Variants in DNM1 observed in about 807,000 individuals in gnomAD.
DNM1 encodes the protein dynamin 1, also known as dynamin-1.
Under a neutral mutation model 104.6 loss-of-function variants are expected in DNM1, and 29 were observed. That is an observed-to-expected ratio of 0.28 (90% confidence interval 0.21 to 0.38). The LOEUF (loss-of-function observed/expected upper bound fraction) is 0.38, where lower values mean the gene tolerates loss of function less well. DNM1 is among the 10% of genes least tolerant of loss of function. The probability of loss-of-function intolerance (pLI) is 1.00; values close to 1 mark genes in which losing one functional copy is unlikely to be tolerated. For synonymous variants in DNM1, 445 were observed against 475.8 expected (o/e 0.94, Z 0.84); for missense variants, 640 against 1,189.4 (o/e 0.54, Z 6.79).
Position 128,220,492 on chromosome 9 carries a change from C to T in DNM1, c.849+151C>T. On this transcript the variant is annotated intron_variant, in intron 6 of 21. Transcript: ENST00000372923. The surrounding 1 kb of genome is among the most constrained non-coding windows in gnomAD (Gnocchi z 5.2). The stretch of plus-strand genomic sequence containing the variant: ...GAAAAGCAAAGCAACTTGCCCACAG[C>T]CCCACAGCTAGGTAGCAGCAAAGCT... 1.0e-6 allele frequency: 1 copy of T among 998,040 alleles called. No individual in the cohort carries two copies. The highest frequency in any genetic ancestry group is 1.6e-5 in the African/African-American group (1 of 61,872). The allele number at this position is 998,040 out of a possible 1,614,324, so 61.8% of individuals were successfully genotyped here.
At chr9:128,242,186 G>A (rs1198860940) in intron 14 of DNM1, 46 bp from the exon 15 acceptor site, 2 of 1,097,666 alleles carry the variant, frequency 1.8e-6, no homozygotes, top group East Asian at 2.4e-5. Flanking sequence ...CCCCCATGGG[G>A]AGGCTCAGGC....
intron 1 of DNM1, among the ~76,000 whole-genome samples, chr9:128,216,028 C>A (rs1834582348): frequency 6.6e-6 from 1 of 151,972 alleles, no homozygotes; most frequent in Non-Finnish European, 1.5e-5. Context: ...CCTCCCACCC[C>A]CCAGCAAACC....
Position 128,218,912 on chromosome 9 carries a change from C to T in DNM1, c.386-137C>T, listed in dbSNP as rs1834775987. The T allele has an allele frequency of 7.7e-7, 1 of 1,292,180 alleles. No individual in the cohort carries two copies. Among genetic ancestry groups the T allele is most frequent in the Non-Finnish European group, 1.1e-6 (1 of 943,684 alleles). The allele number at this position is 1,292,180 out of a possible 1,614,324, so 80.0% of individuals were successfully genotyped here. A position where few individuals can be genotyped will look rare whatever the true frequency, so the allele number is the denominator to read the frequency against. ...CGGCCACGCCTCCAACAGACTGCCA[C>T]TTTCGCCCTGAGATTTCCTAGTCCC... is the stretch of plus-strand genomic sequence containing the variant. On this transcript the variant is annotated intron_variant, in intron 3 of 21. Transcript: ENST00000372923. This position sits in a 1 kb window ranked among gnomAD's most constrained non-coding sequence, Gnocchi z 4.8.
In DNM1 at chr9:128,219,225, A is replaced by G. The variant is rs141079649; in HGVS notation, c.562A>G (p.Lys188Glu). Reference protein sequence around the residue: ...NSDLANSDALKVAKEVDPQGQ... With the variant: ...NSDLANSDALEVAKEVDPQGQ... ...TGACCTGGCCAATTCTGACGCCCTC[A>G]AGGTCGCCAAGGAGGTGGACCCCCA... The change falls in exon 4 of 22, where the codon AAG becomes GAG. Residue 188 changes from lysine to glutamate, a missense_variant. Physicochemically the swap from Lys to Glu is moderately conservative, Grantham distance 56 (BLOSUM62 1). Coordinates refer to ENST00000372923, the MANE Select transcript of DNM1 (RefSeq NM_004408.4). The G allele has an allele frequency of 1.9e-6, 3 of 1,613,954 alleles. No homozygotes were observed. The highest frequency in any genetic ancestry group is 1.7e-6 in the Non-Finnish European group (2 of 1,180,018).
At chr9:128,242,159 C>G in intron 14 of DNM1, 73 bp from the exon 15 acceptor site, 1 of 878,940 alleles carries the variant, frequency 1.1e-6, no homozygotes, top group Non-Finnish European at 1.9e-6. Context: ...TCGAATGCCT[C>G]TCTTTGCCTA....
Position 128,247,824 on chromosome 9 carries a change from C to G in DNM1, c.1894-100C>G. On this transcript the variant is annotated intron_variant, in intron 17 of 21. Coordinates refer to ENST00000372923, the MANE Select transcript of DNM1 (RefSeq NM_004408.4). This position sits in a 1 kb window ranked among gnomAD's most constrained non-coding sequence, Gnocchi z 5.1. ...AGCCTGAGAGTTGGGGTGCAGTATC[C>G]CAGGTTCACTCAATCTCTCCCCTTT... 6.7e-7 allele frequency: 1 copy of G among 1,498,458 alleles called. No homozygotes were observed. The highest frequency in any genetic ancestry group is 1.2e-5 in the South Asian group (1 of 81,064). The allele number at this position is 1,498,458 out of a possible 1,614,324, so 92.8% of individuals were successfully genotyped here. A position where few individuals can be genotyped will look rare whatever the true frequency, so the allele number is the denominator to read the frequency against.
In DNM1 at chr9:128,224,253, C is replaced by A; in HGVS notation, c.1199C>A (p.Thr400Lys). The change falls in exon 10 of 22, where the codon ACG becomes AAG. Residue 400 changes from threonine (T) to lysine (K), a missense_variant and splice_region_variant. By Grantham distance (78) the Thr-to-Lys change is moderately conservative. This residue lies in a region of DNM1 where 38 missense variants were observed against 113.5 expected (regional missense o/e 0.33). Coordinates refer to ENST00000372923, the MANE Select transcript of DNM1 (RefSeq NM_004408.4). The surrounding 1 kb of genome is among the most constrained non-coding windows in gnomAD (Gnocchi z 4.3). ...YAIKNIHGIR[T>K]GLFTPDMAFE... ...CTTCTCCCGCTCCGGGCGTTCAGAA[C>A]GGGGCTGTTTACCCCAGACATGGCC... 1 of 1,613,484 alleles carries A rather than the reference C, an allele frequency of 6.2e-7. No individual in the cohort carries two copies.
Position 128,227,944 on chromosome 9 carries a change from G to A in DNM1, c.1335+3555G>A, listed in dbSNP as rs527688071. 2.6e-5 allele frequency among the ~76,000 whole-genome samples: 4 copies of A among 152,126 alleles called. No individual in the cohort carries two copies. The East Asian group carries it at 7.7e-4, about 29-fold the overall frequency. ...ATAGCTCACTGTAGGCTCAAACTGGGCTCAAGCGATCCTCCCGCCTCAGCC... is the reference window on the plus strand; with the variant it reads ...ATAGCTCACTGTAGGCTCAAACTGGACTCAAGCGATCCTCCCGCCTCAGCC... On this transcript the variant is annotated intron_variant, in intron 10 of 21. Transcript: ENST00000372923.
At chr9:128,206,882 T>G (rs1834001857) in intron 1 of DNM1, among the ~76,000 whole-genome samples, 1 of 150,726 alleles carries the variant, frequency 6.6e-6, no homozygotes, top group African/African-American at 2.5e-5. Flanking sequence ...CTAGCAAGGG[T>G]GTGACTTGGG....
intron 10 of DNM1, among the ~76,000 whole-genome samples, chr9:128,225,189 C>T (rs972000109): frequency 2.0e-5 from 3 of 152,180 alleles, no homozygotes; most frequent in Admixed American, 6.5e-5. Flanking sequence ...CAGTGCTCCT[C>T]GATTCCACCC....
At chr9:128,208,966 A>G (rs1445762761) in intron 1 of DNM1, among the ~76,000 whole-genome samples, 1 of 152,116 alleles carries the variant, frequency 6.6e-6, no homozygotes, top group Admixed American at 6.6e-5. Flanking sequence ...GGGTTTGAGA[A>G]CCCGGATGAA....
At chr9:128,212,368 C>T (rs1345585990) in intron 1 of DNM1, among the ~76,000 whole-genome samples, 3 of 152,066 alleles carry the variant, frequency 2.0e-5, no homozygotes, top group African/African-American at 7.2e-5. Context: ...CCAGCTACTT[C>T]GGAGATTGAG....
intron 15 of DNM1, among the ~76,000 whole-genome samples, 200 bp downstream of exon 15, chr9:128,242,545 C>T (rs1054626313): frequency 5.3e-5 from 8 of 152,006 alleles, no homozygotes; most frequent in East Asian, 1.9e-4. Context: ...GGATCACCTG[C>T]GGTCAGGAGT....
intron 19 of DNM1, 32 bp from the exon 20 acceptor site, chr9:128,250,082 TC>T: frequency 1.2e-6 from 2 of 1,613,364 alleles, no homozygotes; most frequent in Non-Finnish European, 1.7e-6. Flanking sequence ...AGGCATCAGG[TC>T]CCCACCTCCT....
In DNM1 at chr9:128,248,536, T is replaced by A; in HGVS notation, c.1906-47T>A. On this transcript the variant is annotated intron_variant, in intron 18 of 21. Coordinates refer to ENST00000372923, the MANE Select transcript of DNM1 (RefSeq NM_004408.4). This position sits in a 1 kb window ranked among gnomAD's most constrained non-coding sequence, Gnocchi z 5.6. ...TGAGATCCTGGGGATGCCTGGAGCC[T>A]GGCTGCATGGCCTGGCCACCTGATG... The A allele has an allele frequency of 6.3e-7, 1 of 1,595,038 alleles. No individual in the cohort carries two copies. Among genetic ancestry groups the A allele is most frequent in the Non-Finnish European group, 8.6e-7 (1 of 1,166,246 alleles).
In DNM1 at chr9:128,222,071, C is replaced by T; in HGVS notation, c.850-126C>T. 1 of 1,159,658 alleles carries T rather than the reference C, an allele frequency of 8.6e-7. No homozygotes were observed. The highest frequency in any genetic ancestry group is 1.5e-5 in the African/African-American group (1 of 64,592). 71.8% of individuals were successfully genotyped at this position (1,159,658 alleles called of 1,614,324 possible). ...CCAGTTTTCTTGCTAGTGGCCCGGG[C>T]AGCAGTGGCAGGGCTGCCCTCCATA... On this transcript the variant is annotated intron_variant, in intron 6 of 21. Coordinates refer to ENST00000372923, the MANE Select transcript of DNM1 (RefSeq NM_004408.4). The surrounding 1 kb of genome is among the most constrained non-coding windows in gnomAD (Gnocchi z 7.8).
At chr9:128,228,092 A>G (rs1835452827) in intron 10 of DNM1, among the ~76,000 whole-genome samples, 1 of 151,648 alleles carries the variant, frequency 6.6e-6, no homozygotes, top group East Asian at 1.9e-4. Flanking sequence ...CCCAGGCTGG[A>G]GTGCAGTGGT....
chr9:128,219,923 G>A, intron 4 of DNM1, 65 bp from the exon 5 acceptor site: 4 of 1,295,048 alleles, frequency 3.1e-6, no homozygotes, highest in Non-Finnish European at 4.3e-6. Context: ...ATGGGAGTGG[G>A]AGTGCATGGA....
intron 11 of DNM1, among the ~76,000 whole-genome samples, chr9:128,237,724 G>T (rs544203564): frequency 6.6e-6 from 1 of 152,288 alleles, no homozygotes; most frequent in South Asian, 2.1e-4. Context: ...TTGCTCACTT[G>T]ATGAGTGTAT....
Sources: allele counts gnomAD v4.1 joint callset (sites outside exome capture counted in the v4.1 genomes callset), GRCh38; gene constraint gnomAD v4.1.1; regional missense constraint gnomAD v4.1.1; non-coding constraint Gnocchi (gnomAD v3.1); transcripts MANE v1.5; gene names NCBI Gene and HGNC (gene_info 2026-07-23, HGNC 2026-07-21).